COL4A4: variants seen among roughly 807,000 people sequenced by gnomAD.
COL4A4 encodes the protein collagen type IV alpha 4 chain, also known as collagen alpha-4(IV) chain.
Under a neutral mutation model 192.9 loss-of-function variants are expected in COL4A4, and 105 were observed. That is an observed-to-expected ratio of 0.54 (90% CI 0.46 to 0.64). The LOEUF (loss-of-function observed/expected upper bound fraction) is 0.64, where lower values mean the gene tolerates loss of function less well. Ranked by LOEUF, COL4A4 falls within the 30% of genes least tolerant of loss-of-function variation. The pLI is 0.00. For synonymous variants in COL4A4, 762 were observed against 769.9 expected (o/e 0.99, Z 0.17); for missense variants, 1,967 against 2,169.3 (o/e 0.91, Z 1.85).
At chr2:227,157,913 C>T (rs2064485083) in intron 1 of COL4A4, among the ~76,000 whole-genome samples, 1 of 151,946 alleles carries the variant, frequency 6.6e-6, no homozygotes, top group South Asian at 2.1e-4. Context: ...TTTTATGAGG[C>T]TAGCATTATT....
chr2:227,034,566 A>T (rs150533697), intron 37 of COL4A4, among the ~76,000 whole-genome samples: 3,263 of 146,514 alleles, frequency 0.022, 108 homozygotes, highest in African/African-American at 0.076. Flanking sequence ...TTAATTAATT[A>T]ATTAATTTAT....
At chr2:227,035,397 G>A (rs10166456) in intron 37 of COL4A4, among the ~76,000 whole-genome samples, 70,915 of 151,952 alleles carry the variant, frequency 0.47, 16,773 homozygotes, top group South Asian at 0.56. Context: ...CAAGTCCTCT[G>A]TGTATTCTTA....
At chr2:227,148,387 G>A (rs1280789132) in intron 1 of COL4A4, among the ~76,000 whole-genome samples, 1 of 152,216 alleles carries the variant, frequency 6.6e-6, no homozygotes, top group Admixed American at 6.5e-5. Context: ...TGTGCCAAGT[G>A]AAAGAAGCCA....
chr2:227,153,328 G>A (rs1458416873), intron 1 of COL4A4, among the ~76,000 whole-genome samples: 1 of 152,160 alleles, frequency 6.6e-6, no homozygotes, highest in Non-Finnish European at 1.5e-5. Flanking sequence ...AGTTTTAGAA[G>A]ATTCCCTCTA....
intron 23 of COL4A4, 101 bp from the exon 24 acceptor site, chr2:227,080,650 G>C: frequency 1.3e-5 from 13 of 986,482 alleles, no homozygotes; most frequent in Non-Finnish European, 1.7e-5. Context: ...TTCTGGGTTG[G>C]TAGTTTCCTG....
chr2:227,010,464 C>T lies in COL4A4; in HGVS notation c.4371G>A (p.Gly1457=), dbSNP rs1575715890. The T allele has an allele frequency of 2.5e-6, 4 of 1,597,012 alleles. No individual in the cohort carries two copies. Among genetic ancestry groups the T allele is most frequent in the Non-Finnish European group, 2.6e-6 (3 of 1,172,056 alleles). Reference sequence around the variant, plus strand: ...AGCCACCGAGGTATCCAGGGCCAAACCCTTTGGGCCCAGGATCCCCAATGG... The same window carrying T: ...AGCCACCGAGGTATCCAGGGCCAAATCCTTTGGGCCCAGGATCCCCAATGG... ...PGPIGDPGPK[G]FGPGYLGGFL... The change falls in exon 46 of 48, where the codon GGG becomes GGA. Residue 1457 remains glycine (G), a synonymous_variant. Coordinates refer to ENST00000396625, the MANE Select transcript of COL4A4 (RefSeq NM_000092.5).
chr2:226,996,242 C>A, the COL4A4 span: 1 of 152,480 alleles, frequency 6.6e-6, no homozygotes, highest in Non-Finnish European at 1.5e-5. Context: ...CTTGTGTGTC[C>A]AGGAGATAGG....
the COL4A4 span, among the ~76,000 whole-genome samples, chr2:226,981,147 C>T: frequency 1.3e-5 from 2 of 152,016 alleles, no homozygotes; most frequent in East Asian, 3.9e-4. Flanking sequence ...TGTTCTCACT[C>T]ATAGGTGGAA....
chr2:227,086,134 A>G (rs915504594), intron 22 of COL4A4, among the ~76,000 whole-genome samples: 3 of 152,168 alleles, frequency 2.0e-5, no homozygotes, highest in Non-Finnish European at 4.4e-5. Context: ...CGGAAATCCC[A>G]TCCTAGGGAG....
At chr2:227,013,952 T>C (rs1232591259) in intron 44 of COL4A4, among the ~76,000 whole-genome samples, 1 of 151,936 alleles carries the variant, frequency 6.6e-6, no homozygotes, top group African/African-American at 2.4e-5. Context: ...CCCTCTACCC[T>C]TAAAGCAGCA....
intron 37 of COL4A4, among the ~76,000 whole-genome samples, chr2:227,033,956 G>A (rs1328439825): frequency 6.6e-6 from 1 of 152,230 alleles, no homozygotes; most frequent in African/African-American, 2.4e-5. Flanking sequence ...ACGAGAGGAC[G>A]CATGGCGCCT....
intron 7 of COL4A4, among the ~76,000 whole-genome samples, chr2:227,118,285 A>C (rs1390831531): frequency 6.6e-6 from 1 of 152,108 alleles, no homozygotes; most frequent in Non-Finnish European, 1.5e-5. Context: ...CTGAATGATA[A>C]ACAATTTACA....
rs987460962 is a variant in COL4A4 at position 227,005,843 on chromosome 2, A to C, written c.*1482T>G. On this transcript the variant is annotated 3_prime_UTR_variant, in exon 48 of 48. Transcript: ENST00000396625. ...AATGCCTTTTTCTTTTAGATGAGGA[A>C]GGTGAGTTTCCTAAAAATTTTTTCC... 1.5e-4 allele frequency: 23 copies of C among 152,234 alleles called. No individual in the cohort carries two copies. Among genetic ancestry groups the C allele is most frequent in the African/African-American group, 5.5e-4 (23 of 41,460 alleles). The allele number at this position is 152,234 out of a possible 1,614,324, so 9.4% of individuals were successfully genotyped here.
In COL4A4 at chr2:227,008,147, G is replaced by C; in HGVS notation, c.4680C>G (p.Arg1560=). ...ATACCGCACAGCGGCTGACATAGGGGCGGATCGCCTCTTCAGAGAGTGGCA... is the reference window on the plus strand; with the variant it reads ...ATACCGCACAGCGGCTGACATAGGGCCGGATCGCCTCTTCAGAGAGTGGCA... The part of the protein sequence containing the change: ...PMMPLSEEAI[R]PYVSRCAVCE... Residue 1560 remains arginine, a synonymous_variant, in exon 47 of 48, where the codon CGC becomes CGG. Transcript: ENST00000396625. 6.2e-7 allele frequency: 1 copy of C among 1,614,026 alleles called. No homozygotes were observed. The highest frequency in any genetic ancestry group is 8.5e-7 in the Non-Finnish European group (1 of 1,179,890).
chr2:227,117,656 A>T (rs1321847309), intron 7 of COL4A4, among the ~76,000 whole-genome samples: 1 of 152,106 alleles, frequency 6.6e-6, no homozygotes, highest in East Asian at 1.9e-4. Context: ...TAAAAAAAAA[A>T]AAATCACAGA....
At chr2:227,106,859 C>T (rs2060878047) in intron 12 of COL4A4, among the ~76,000 whole-genome samples, 1 of 152,226 alleles carries the variant, frequency 6.6e-6, no homozygotes, top group South Asian at 2.1e-4. Flanking sequence ...AGCCACTGGG[C>T]CTGGCCCAAA....
rs901356225 is a variant in COL4A4, at chr2:227,123,200, C to T, written c.193-2052G>A. ...CTTTAGATAGTGCTGCTGGCCTTGGCCAGGCCCAGACACCAGGAGGGAGAT... is the reference window on the plus strand; with the variant it reads ...CTTTAGATAGTGCTGCTGGCCTTGGTCAGGCCCAGACACCAGGAGGGAGAT... On this transcript the variant is annotated intron_variant, in intron 4 of 47. Coordinates refer to ENST00000396625, the MANE Select transcript of COL4A4 (RefSeq NM_000092.5). This position sits in a 1 kb window ranked among gnomAD's most constrained non-coding sequence, Gnocchi z 4.6. Among the ~76,000 whole-genome samples the T allele has an allele frequency of 5.3e-5, 8 of 152,138 alleles. No individual in the cohort carries two copies. The highest frequency in any genetic ancestry group is 2.6e-4 in the Admixed American group (4 of 15,272).
intron 1 of COL4A4, among the ~76,000 whole-genome samples, chr2:227,156,167 G>T (rs1262637352): frequency 6.6e-6 from 1 of 152,080 alleles, no homozygotes; most frequent in Non-Finnish European, 1.5e-5. Context: ...GGGGTGCCAG[G>T]GTGGATGGAT....
intron 36 of COL4A4, 130 bp from the exon 37 acceptor site, chr2:227,042,385 C>A: frequency 3.0e-6 from 2 of 663,190 alleles, no homozygotes; most frequent in Non-Finnish European, 5.5e-6. Context: ...TCCTATACAT[C>A]TTAACTCTAG....
Sources: gnomAD v4.1 joint callset for allele counts (sites outside exome capture counted in the v4.1 genomes callset) on GRCh38, gnomAD v4.1.1 for gene constraint, Gnocchi (gnomAD v3.1) non-coding constraint, MANE v1.5 for transcripts, NCBI Gene and HGNC (gene_info 2026-07-23, HGNC 2026-07-21) for gene names.